Variants in CTNNA3 observed in about 807,000 individuals in gnomAD.
CTNNA3 encodes catenin alpha 3.
Under a neutral mutation model 95.7 loss-of-function variants are expected in CTNNA3, and 76 were observed. The ratio of observed to expected loss-of-function variants is 0.79; its 90% CI spans 0.66 to 0.96. The LOEUF is 0.96. CTNNA3 is among the 40% of genes least tolerant of loss of function. CTNNA3 has a pLI of 0.00. For synonymous variants in CTNNA3, 431 were observed against 374.4 expected, an observed-to-expected ratio of 1.15 and a Z score of -1.74; for missense variants, 1,191 against 1,089.8, an observed-to-expected ratio of 1.09 and a Z score of -1.31.
intron 5 of CTNNA3, among the ~76,000 whole-genome samples, chr10:67,480,857 G>A (rs1848194500): frequency 6.6e-6 from 1 of 152,048 alleles, no homozygotes; most frequent in South Asian, 2.1e-4. Flanking sequence ...AGCTGGTCTT[G>A]GCAACGATAC....
At chr10:66,408,054 C>G (rs183582047) in intron 11 of CTNNA3, among the ~76,000 whole-genome samples, 1 of 152,140 alleles carries the variant, frequency 6.6e-6, no homozygotes, top group Admixed American at 6.5e-5. Flanking sequence ...AAATAACCTA[C>G]GTGCATCCTC....
intron 13 of CTNNA3, among the ~76,000 whole-genome samples, chr10:66,175,169 C>G (rs752395812): frequency 3.3e-5 from 5 of 151,988 alleles, no homozygotes; most frequent in African/African-American, 7.2e-5. Context: ...ACAGAATCAA[C>G]ACACACATGC....
chr10:67,704,686 C>T (rs1326407197), intron 1 of CTNNA3, among the ~76,000 whole-genome samples: 1 of 151,834 alleles, frequency 6.6e-6, no homozygotes, highest in Non-Finnish European at 1.5e-5. Flanking sequence ...AGAAGAAAAC[C>T]TAGGCATTAC....
intron 7 of CTNNA3, among the ~76,000 whole-genome samples, chr10:66,914,139 T>TTA (rs1408085684): frequency 2.0e-5 from 3 of 149,708 alleles, no homozygotes; most frequent in Non-Finnish European, 4.5e-5. Flanking sequence ...TCTTTTTTTT[T>TTA]TTTTTTTTTG....
intron 3 of CTNNA3, among the ~76,000 whole-genome samples, chr10:67,551,371 G>A (rs1589415661): frequency 6.6e-6 from 1 of 152,054 alleles, no homozygotes; most frequent in Non-Finnish European, 1.5e-5. Flanking sequence ...CAGTTTTCTA[G>A]GGGAAACCAT....
At chr10:66,792,723 C>A (rs910328963) in intron 7 of CTNNA3, among the ~76,000 whole-genome samples, 3 of 152,072 alleles carry the variant, frequency 2.0e-5, no homozygotes, top group African/African-American at 7.2e-5. Context: ...ATATCAAAAT[C>A]TATGCTGGAG....
At chr10:66,041,984 T>C (rs2079699927) in intron 15 of CTNNA3, among the ~76,000 whole-genome samples, 1 of 152,228 alleles carries the variant, frequency 6.6e-6, no homozygotes, top group Non-Finnish European at 1.5e-5. Context: ...AGTGTGACCC[T>C]TCCCTGTTCT....
chr10:66,665,224 C>T (rs74141626), intron 9 of CTNNA3, among the ~76,000 whole-genome samples: 1 of 19,836 alleles, frequency 5.0e-5, no homozygotes, highest in Non-Finnish European at 8.2e-5. Flanking sequence ...TACTTCAGCT[C>T]ATTTCAGCTC....
intron 6 of CTNNA3, among the ~76,000 whole-genome samples, chr10:67,197,136 T>C (rs1209095561): frequency 6.6e-6 from 1 of 152,128 alleles, no homozygotes; most frequent in African/African-American, 2.4e-5. Context: ...CCACCTTCTA[T>C]GTCCATGAGG....
At chr10:66,140,257 G>T (rs2083547570) in intron 13 of CTNNA3, among the ~76,000 whole-genome samples, 1 of 152,144 alleles carries the variant, frequency 6.6e-6, no homozygotes, top group Non-Finnish European at 1.5e-5. Context: ...TAACTTAATA[G>T]TAAACCCCCT....
rs182493442 is a variant in CTNNA3 at position 66,900,152 on chromosome 10, G to A, written c.1048-124628C>T. On this transcript the variant is annotated intron_variant, in intron 7 of 17. Coordinates refer to ENST00000433211, the MANE Select transcript of CTNNA3 (RefSeq NM_013266.4). The stretch of plus-strand genomic sequence containing the variant: ...CCCCTCTGGGACAAAGCTTCCAGAG[G>A]AAGGATCAGGCAGTAATATTTTCTG... Among the ~76,000 whole-genome samples, 172 of 152,226 alleles carry A rather than the reference G, an allele frequency of 1.1e-3. 1 individual carries two copies. Among genetic ancestry groups the A allele is most frequent in the African/African-American group, 3.9e-3 (164 of 41,542 alleles).
chr10:67,279,374 C>A (rs1839304896), intron 5 of CTNNA3, among the ~76,000 whole-genome samples: 2 of 152,078 alleles, frequency 1.3e-5, no homozygotes, highest in African/African-American at 4.8e-5. Flanking sequence ...TAAGGACATA[C>A]CCTTATTAAG....
chr10:66,909,579 C>A (rs542514251), intron 7 of CTNNA3, among the ~76,000 whole-genome samples: 1 of 152,002 alleles, frequency 6.6e-6, no homozygotes, highest in Non-Finnish European at 1.5e-5. Context: ...TCCTTCAGAA[C>A]AGGAAATTTC....
At chr10:66,910,395 C>T (rs984595032) in intron 7 of CTNNA3, among the ~76,000 whole-genome samples, 4 of 152,186 alleles carry the variant, frequency 2.6e-5, no homozygotes, top group African/African-American at 7.2e-5. Flanking sequence ...TACAATATGA[C>T]TCTACCAACT....
intron 2 of CTNNA3, among the ~76,000 whole-genome samples, chr10:67,638,545 A>C (rs1839407362): frequency 6.6e-6 from 1 of 152,222 alleles, no homozygotes; most frequent in Non-Finnish European, 1.5e-5. Flanking sequence ...CCCCAAATCA[A>C]CAGAATATAC....
chr10:66,289,101 G>A (rs1169567277), intron 12 of CTNNA3, among the ~76,000 whole-genome samples: 2 of 151,958 alleles, frequency 1.3e-5, no homozygotes, highest in African/African-American at 4.8e-5. Context: ...TATGTTAACA[G>A]TGTCTGGAAT....
chr10:67,232,249 G>C (rs941436830), intron 5 of CTNNA3, among the ~76,000 whole-genome samples: 4 of 152,128 alleles, frequency 2.6e-5, no homozygotes, highest in Non-Finnish European at 4.4e-5. Context: ...AAATGTTAAG[G>C]GCAGCCAGAG....
chr10:67,728,039 ATTATAATTATATATAATTATATG>A (rs1332349730), intron 1 of CTNNA3, among the ~76,000 whole-genome samples: 1 of 141,162 alleles, frequency 7.1e-6, no homozygotes, highest in African/African-American at 2.6e-5. Context: ...ATGATATATA[ATTATAATTATATATAATTATATG>A]TATATTACAT....
intron 13 of CTNNA3, among the ~76,000 whole-genome samples, chr10:66,178,440 T>TAA: frequency 9.5e-6 from 1 of 105,756 alleles, no homozygotes; most frequent in Non-Finnish European, 1.9e-5. Flanking sequence ...TATATATATA[T>TAA]ATACACACAC....
Sources: gnomAD v4.1 joint callset for allele counts (sites outside exome capture counted in the v4.1 genomes callset) on GRCh38, gnomAD v4.1.1 for gene constraint, MANE v1.5 for transcripts, NCBI Gene and HGNC (gene_info 2026-07-23, HGNC 2026-07-21) for gene names.